ITPR2: variants seen among roughly 807,000 people sequenced by gnomAD.
ITPR2 encodes inositol 1,4,5-trisphosphate receptor type 2.
ITPR2 carries 207 observed loss-of-function variants against 317.1 expected under a neutral mutation model. That is an observed-to-expected ratio of 0.65 (90% confidence interval 0.58 to 0.73). The LOEUF is 0.73. ITPR2 is among the 30% of genes least tolerant of loss of function. ITPR2 has a pLI of 0.00. For synonymous variants in ITPR2, 1,156 were observed against 1,149.1 expected (o/e 1.01, Z -0.12); for missense variants, 2,613 against 3,284.0 (o/e 0.80, Z 4.99).
chr12:26,528,640 T>G (rs1028607914), intron 37 of ITPR2, among the ~76,000 whole-genome samples: 3 of 152,202 alleles, frequency 2.0e-5, no homozygotes. Context: ...TAAAACTACA[T>G]TTTCCCTTTT....
chr12:26,653,589 TTC>T (rs1592000734), intron 21 of ITPR2, among the ~76,000 whole-genome samples: 1 of 152,182 alleles, frequency 6.6e-6, no homozygotes, highest in Non-Finnish European at 1.5e-5. Flanking sequence ...TTCAAATCTA[TTC>T]TCTCTTTGAC....
intron 33 of ITPR2, among the ~76,000 whole-genome samples, chr12:26,579,682 C>A (rs960386925): frequency 2.0e-5 from 3 of 151,926 alleles, no homozygotes; most frequent in South Asian, 2.1e-4. Flanking sequence ...GTACATAAAT[C>A]TTTGTTAATT....
intron 37 of ITPR2, among the ~76,000 whole-genome samples, chr12:26,497,991 C>T (rs2136882321): frequency 6.6e-6 from 1 of 152,328 alleles, no homozygotes; most frequent in South Asian, 2.1e-4. Flanking sequence ...CGGCCTCAGC[C>T]TCCCAAAGTG....
chr12:26,422,160 TATTTA>T lies in ITPR2; in HGVS notation c.6946-2952_6946-2948del, dbSNP rs1312198231. Reference sequence around the variant, plus strand: ...TTATTTACTAAATGATTAATTAATATATTTAATTTATTAGTTAATAATTTAGTAAA... The same window carrying T: ...TTATTTACTAAATGATTAATTAATATATTTATTAGTTAATAATTTAGTAAA... On this transcript the variant is annotated intron_variant, in intron 49 of 56. Transcript: ENST00000381340. Among the ~76,000 whole-genome samples the T allele has an allele frequency of 1.9e-4, 29 of 150,062 alleles. 1 individual carries two copies. Among genetic ancestry groups the T allele is most frequent in the Admixed American group, 1.8e-3 (27 of 14,970 alleles).
rs142203833 is a variant in ITPR2 at position 26,667,936 on chromosome 12, T to C, written c.1410-1885A>G. 5.7e-3 allele frequency among the ~76,000 whole-genome samples: 871 copies of C among 152,152 alleles called. 6 individuals are homozygous for C. The highest frequency in any genetic ancestry group is 0.02 in the African/African-American group (835 of 41,508). On this transcript the variant is annotated intron_variant, in intron 13 of 56. Transcript: ENST00000381340. ...TTGCAAATCACATGTCAACCCTACA[T>C]GTAAAGCCCACCTCTTCATGACAAG...
At chr12:26,455,770 T>C (rs1941867373) in intron 45 of ITPR2, among the ~76,000 whole-genome samples, 1 of 152,172 alleles carries the variant, frequency 6.6e-6, no homozygotes, top group African/African-American at 2.4e-5. Context: ...AAGAAGCCAT[T>C]TAAAGATCAA....
intron 5 of ITPR2, among the ~76,000 whole-genome samples, chr12:26,720,299 T>C (rs1373388644): frequency 6.6e-6 from 1 of 152,200 alleles, no homozygotes; most frequent in Non-Finnish European, 1.5e-5. Flanking sequence ...TCTTAAAATA[T>C]CATCTTAAAA....
chr12:26,737,394 T>A (rs937472043), intron 2 of ITPR2, among the ~76,000 whole-genome samples: 1 of 152,124 alleles, frequency 6.6e-6, no homozygotes, highest in African/African-American at 2.4e-5. Flanking sequence ...TAGCTGGGAT[T>A]ACAGGCACGC....
chr12:26,812,410 C>G (rs1286922504), intron 1 of ITPR2, among the ~76,000 whole-genome samples: 1 of 151,658 alleles, frequency 6.6e-6, no homozygotes, highest in African/African-American at 2.4e-5. Context: ...AACCTCATCT[C>G]TACTAAAAAT....
intron 55 of ITPR2, among the ~76,000 whole-genome samples, chr12:26,381,083 T>C (rs1939495535): frequency 6.6e-6 from 1 of 152,158 alleles, no homozygotes; most frequent in Admixed American, 6.5e-5. Flanking sequence ...GGCCTACTCC[T>C]GTGGGAGGGA....
intron 55 of ITPR2, among the ~76,000 whole-genome samples, chr12:26,348,788 G>A (rs1355589898): frequency 1.3e-5 from 2 of 152,156 alleles, no homozygotes; most frequent in African/African-American, 4.8e-5. Flanking sequence ...GGGAGTTTGA[G>A]ACCATCTTGG....
At chr12:26,492,993 TA>T (rs1265902036) in intron 39 of ITPR2, among the ~76,000 whole-genome samples, 1 of 151,830 alleles carries the variant, frequency 6.6e-6, no homozygotes, top group Non-Finnish European at 1.5e-5. Flanking sequence ...ATTTGTCAAT[TA>T]AAAATTAAAT....
intron 37 of ITPR2, among the ~76,000 whole-genome samples, chr12:26,523,995 G>T (rs1943739360): frequency 6.6e-6 from 1 of 152,168 alleles, no homozygotes; most frequent in Non-Finnish European, 1.5e-5. Context: ...CACATGTACT[G>T]TCACATGCTT....
At chr12:26,512,781 T>C (rs1943386336) in intron 37 of ITPR2, among the ~76,000 whole-genome samples, 1 of 152,130 alleles carries the variant, frequency 6.6e-6, no homozygotes, top group Non-Finnish European at 1.5e-5. Context: ...TCTCAGATAC[T>C]TTTGGGTTCA....
intron 45 of ITPR2, among the ~76,000 whole-genome samples, chr12:26,453,241 A>G (rs945700851): frequency 6.6e-6 from 1 of 152,200 alleles, no homozygotes; most frequent in African/African-American, 2.4e-5. Flanking sequence ...CTGAGGTATA[A>G]TCTTAATTGG....
Position 26,671,943 on chromosome 12 carries a change from C to G in ITPR2, c.1410-5892G>C, listed in dbSNP as rs960159480. Among the ~76,000 whole-genome samples, 1,118 of 150,988 alleles carry G rather than the reference C, an allele frequency of 7.4e-3. 8 individuals are homozygous for G. Among genetic ancestry groups the G allele is most frequent in the African/African-American group, 0.023 (956 of 41,116 alleles). ...GACTTTAAACCAACAAAGATCAAAA[C>G]AGACAAAGAAGGCCATTACATAATG... On this transcript the variant is annotated intron_variant, in intron 13 of 56. Transcript: ENST00000381340.
rs1565559570 is a variant in ITPR2 at position 26,494,161 on chromosome 12, G to A, written c.5362C>T (p.Gln1788Ter). The A allele has an allele frequency of 2.1e-5, 34 of 1,610,024 alleles. No individual in the cohort carries two copies. Among genetic ancestry groups the A allele is most frequent in the Non-Finnish European group, 2.8e-5 (33 of 1,177,874 alleles). ...GATTGATGAACAAGTACCTGTGTTT[G>A]TGTATTTCCTCCTTCAAGCAAGGCA... ...GIALLEGGNT[Q>*]TQYSFYQQLH... Residue 1788 changes from glutamine to a stop codon, truncating the protein, a stop_gained, in exon 39 of 57, where the codon CAA becomes TAA. Transcript: ENST00000381340. LOFTEE classifies it high-confidence loss of function.
chr12:26,733,948 TAC>T (rs1183326088), intron 2 of ITPR2, among the ~76,000 whole-genome samples: 2 of 152,216 alleles, frequency 1.3e-5, no homozygotes, highest in African/African-American at 4.8e-5. Context: ...AGTGATTTTT[TAC>T]ATATATTTAT....
chr12:26,761,652 C>T (rs1949636390), intron 2 of ITPR2, among the ~76,000 whole-genome samples: 1 of 152,142 alleles, frequency 6.6e-6, no homozygotes, highest in South Asian at 2.1e-4. Context: ...TAAAAATTAG[C>T]CAGGCATAGT....
Sources: gnomAD v4.1 joint callset for allele counts (sites outside exome capture counted in the v4.1 genomes callset) on GRCh38, gnomAD v4.1.1 for gene constraint, MANE v1.5 for transcripts, NCBI Gene and HGNC (gene_info 2026-07-23, HGNC 2026-07-21) for gene names.